The following RRBP1 variants were observed in gnomAD, a reference collection of about 807,000 sequenced individuals.
RRBP1 encodes the protein ribosome binding protein 1.
Under a neutral mutation model 165.2 loss-of-function variants are expected in RRBP1, and 94 were observed. That is an observed-to-expected ratio of 0.57 (90% confidence interval 0.48 to 0.68). The LOEUF (loss-of-function observed/expected upper bound fraction) is 0.68. RRBP1 is among the 30% of genes least tolerant of loss of function. The pLI is 0.00. For missense variants in RRBP1, 1,676 were observed against 1,763.0 expected, an observed-to-expected ratio of 0.95 and a Z score of 0.88; for synonymous variants, 680 against 714.5, an observed-to-expected ratio of 0.95 and a Z score of 0.77.
chr20:17,655,681 G>A (rs185084512), intron 3 of RRBP1, among the ~76,000 whole-genome samples: 181 of 152,286 alleles, frequency 1.2e-3, no homozygotes, highest in Middle Eastern at 6.8e-3. Context: ...GGGGAGTCCA[G>A]GAGAAGAAGA....
At chr20:17,655,325 C>T (rs1419826978) in intron 3 of RRBP1, among the ~76,000 whole-genome samples, 1 of 152,324 alleles carries the variant, frequency 6.6e-6, no homozygotes, top group South Asian at 2.1e-4. Context: ...TGCTTTTTGA[C>T]TTTTGAAGAG....
Position 17,641,929 on chromosome 20 carries a change from C to T in RRBP1, c.2062-10G>A. ...CACCCTTCTGAGTGGCCTAGAAATACCCAGAGATGCGTTAACAGAGGGGAC... is the reference window on the plus strand; with the variant it reads ...CACCCTTCTGAGTGGCCTAGAAATATCCAGAGATGCGTTAACAGAGGGGAC... On this transcript the variant is annotated splice_polypyrimidine_tract_variant and intron_variant, in intron 4 of 24. Transcript: ENST00000377813. 6 of 1,611,198 alleles carry T rather than the reference C, an allele frequency of 3.7e-6. No individual in the cohort carries two copies. The highest frequency in any genetic ancestry group is 4.2e-6 in the Non-Finnish European group (5 of 1,177,766).
At chr20:17,614,679 T>TCC in intron 24 of RRBP1, 58 bp downstream of exon 24, 1 of 1,595,684 alleles carries the variant, frequency 6.3e-7, no homozygotes. Context: ...CGGTCCTGCC[T>TCC]CCCCGGGGCT....
intron 2 of RRBP1, among the ~76,000 whole-genome samples, chr20:17,662,585 G>A (rs776692753): frequency 2.0e-4 from 30 of 152,174 alleles, no homozygotes; most frequent in Admixed American, 3.3e-4. Context: ...ACCTCTGGCC[G>A]TGGGCAGTGA....
chr20:17,616,981 C>T, intron 20 of RRBP1, 142 bp from the exon 21 acceptor site: 1 of 743,974 alleles, frequency 1.3e-6, no homozygotes, highest in East Asian at 2.7e-5. Flanking sequence ...GTAACTGTGA[C>T]CTATGTCTGG....
chr20:17,636,572 C>T lies in RRBP1; in HGVS notation c.2337+5G>A, dbSNP rs2036252493. 9.9e-6 allele frequency: 16 copies of T among 1,610,720 alleles called. No homozygotes were observed. Among genetic ancestry groups the T allele is most frequent in the Non-Finnish European group, 1.4e-5 (16 of 1,179,840 alleles). On this transcript the variant is annotated splice_donor_5th_base_variant and intron_variant, in intron 6 of 24. Transcript: ENST00000377813. ...TCCCATGCCCCCGCCAGCCACTACA[C>T]CCACCTTGCCCTGCAGCTGCTGCAC...
At position 17,662,269 on chromosome 20, in the gene RRBP1, A is replaced by G. The variant is rs543763958; in HGVS notation, c.-21-1741T>C. Among the ~76,000 whole-genome samples, 17 of 152,254 alleles carry G rather than the reference A, an allele frequency of 1.1e-4. 1 individual carries two copies. The highest frequency in any genetic ancestry group is 4.1e-4 in the African/African-American group (17 of 41,542). ...CAGAGCGAGACTCCGTCTCAAAAAA[A>G]AAATTTTCAAAAAAAAAAAAATCAC... On this transcript the variant is annotated intron_variant, in intron 2 of 24. Coordinates refer to ENST00000377813, the MANE Select transcript of RRBP1 (RefSeq NM_001365613.2).
At chr20:17,624,228 G>A (rs1020213569) in intron 13 of RRBP1, among the ~76,000 whole-genome samples, 11 of 152,200 alleles carry the variant, frequency 7.2e-5, no homozygotes, top group African/African-American at 2.4e-4. Context: ...ATGTAGAGCC[G>A]GGGTCTGGCG....
intron 2 of RRBP1, among the ~76,000 whole-genome samples, chr20:17,678,356 C>T (rs2037120301): frequency 6.6e-6 from 1 of 152,290 alleles, no homozygotes; most frequent in East Asian, 1.9e-4. Context: ...ATGCTGAGGG[C>T]ATTGGGTAAA....
chr20:17,629,039 G>A (rs139051692), intron 9 of RRBP1, among the ~76,000 whole-genome samples: 4 of 151,428 alleles, frequency 2.6e-5, no homozygotes, highest in East Asian at 3.9e-4. Flanking sequence ...GCAGAGCTGA[G>A]CAGTTGTGAC....
intron 4 of RRBP1, among the ~76,000 whole-genome samples, chr20:17,642,394 G>A (rs997502501): frequency 3.9e-5 from 6 of 152,094 alleles, no homozygotes; most frequent in South Asian, 4.2e-4. Flanking sequence ...ACAAGCTCTC[G>A]GTGCCACTGA....
chr20:17,665,608 C>CTA (rs1431557574), intron 2 of RRBP1, among the ~76,000 whole-genome samples: 1 of 152,108 alleles, frequency 6.6e-6, no homozygotes, highest in Non-Finnish European at 1.5e-5. Flanking sequence ...ATTTTCACTC[C>CTA]TATATTACAT....
Position 17,659,574 on chromosome 20 carries a change from C to T in RRBP1, c.934G>A (p.Ala312Thr). 4 of 1,550,106 alleles carry T rather than the reference C, an allele frequency of 2.6e-6. No individual in the cohort carries two copies. Among genetic ancestry groups the T allele is most frequent in the Non-Finnish European group, 3.5e-6 (4 of 1,146,812 alleles). ...TTGCCCTGATTCTGGGCCCCCTCTG[C>T]CTTTTTGCCCTGGTTCTGGGCCCCT... Reference protein sequence around the residue: ...VEGAQNQGKKAEGAQNQGKKG... With the variant: ...VEGAQNQGKKTEGAQNQGKKG... Residue 312 changes from alanine to threonine, a missense_variant, in exon 3 of 25, where the codon GCA becomes ACA. Transcript: ENST00000377813.
chr20:17,614,242 G>GT, intron 24 of RRBP1, 22 bp from the exon 25 acceptor site: 1 of 1,611,604 alleles, frequency 6.2e-7, no homozygotes, highest in Non-Finnish European at 8.5e-7. Flanking sequence ...GGCAGGTGGC[G>GT]TGAGGGGGGC....
At chr20:17,674,745 G>A (rs932955928) in intron 2 of RRBP1, among the ~76,000 whole-genome samples, 6 of 151,974 alleles carry the variant, frequency 3.9e-5, no homozygotes, top group South Asian at 2.1e-4. Context: ...GAGACAGAGC[G>A]AGACTCCCTC....
chr20:17,620,857 A>T, intron 16 of RRBP1, 50 bp from the exon 17 acceptor site: 1 of 1,344,178 alleles, frequency 7.4e-7, no homozygotes. Context: ...CGAGACCCGC[A>T]CCACACAACC....
chr20:17,676,608 T>C (rs1291533129), intron 2 of RRBP1, among the ~76,000 whole-genome samples: 1 of 151,974 alleles, frequency 6.6e-6, no homozygotes, highest in Non-Finnish European at 1.5e-5. Context: ...ACATAACATA[T>C]ATTGGGGTAG....
intron 3 of RRBP1, among the ~76,000 whole-genome samples, chr20:17,657,966 A>C (rs569197768): frequency 1.3e-5 from 2 of 152,364 alleles, no homozygotes; most frequent in South Asian, 4.1e-4. Flanking sequence ...AACATCGAAC[A>C]GGCTGACAGA....
intron 3 of RRBP1, among the ~76,000 whole-genome samples, chr20:17,647,828 G>A (rs556958922): frequency 3.9e-5 from 6 of 152,308 alleles, no homozygotes; most frequent in South Asian, 2.1e-4. Context: ...TGCTGCCTCC[G>A]GGCCTGCACG....
Sources: gnomAD v4.1 joint callset for allele counts (sites outside exome capture counted in the v4.1 genomes callset) on GRCh38, gnomAD v4.1.1 for gene constraint, MANE v1.5 for transcripts, NCBI Gene and HGNC (gene_info 2026-07-23, HGNC 2026-07-21) for gene names.